RPS6KA2: variants seen among roughly 807,000 people sequenced by gnomAD.
The protein encoded by RPS6KA2 is ribosomal protein S6 kinase alpha-2.
Under a neutral mutation model 91.8 loss-of-function variants are expected in RPS6KA2, and 42 were observed. The ratio of observed to expected loss-of-function variants is 0.46; its 90% CI spans 0.36 to 0.59. RPS6KA2 has a LOEUF of 0.59. RPS6KA2 is among the 20% of genes least tolerant of loss of function. The probability of loss-of-function intolerance (pLI) is 0.00; values close to 1 mark genes in which losing one functional copy is unlikely to be tolerated. For synonymous variants in RPS6KA2, 414 were observed against 393.6 expected, an observed-to-expected ratio of 1.05 and a Z score of -0.61; for missense variants, 798 against 978.5, an observed-to-expected ratio of 0.82 and a Z score of 2.46.
chr6:166,616,149 GC>G (rs946601822), intron 1 of RPS6KA2, among the ~76,000 whole-genome samples: 11 of 152,286 alleles, frequency 7.2e-5, no homozygotes, highest in Admixed American at 3.3e-4. Flanking sequence ...CCACCTGAGA[GC>G]CCCCCAGCAC....
intron 2 of RPS6KA2, among the ~76,000 whole-genome samples, chr6:166,804,322 T>C (rs946642853): frequency 6.6e-6 from 1 of 152,072 alleles, no homozygotes; most frequent in African/African-American, 2.4e-5. Flanking sequence ...ATGTTAGGTA[T>C]CATATATTTA....
At chr6:166,658,100 T>C (rs575088594) in intron 2 of RPS6KA2, among the ~76,000 whole-genome samples, 1 of 152,334 alleles carries the variant, frequency 6.6e-6, no homozygotes, top group South Asian at 2.1e-4. Context: ...CAGGCTGGTC[T>C]TAAACTCCCG....
Position 166,544,399 on chromosome 6 carries a change from G to A in RPS6KA2, c.100-5615C>T, listed in dbSNP as rs9457175. Among the ~76,000 whole-genome samples the A allele has an allele frequency of 6.0e-3, 916 of 152,244 alleles. 8 individuals carry two copies. The highest frequency in any genetic ancestry group is 0.02 in the African/African-American group (831 of 41,550). ...GGAGAGCGAGCTCCATCTGCGGCAC[G>A]ACTCCTGATAGCTCGTGGGTCCTCG... On this transcript the variant is annotated intron_variant, in intron 1 of 20. Transcript: ENST00000265678.
chr6:166,803,024 C>T (rs1169376904), intron 2 of RPS6KA2, among the ~76,000 whole-genome samples: 15 of 151,270 alleles, frequency 9.9e-5, no homozygotes. Flanking sequence ...TTCTTTTAAC[C>T]AATAATCCTT....
intron 2 of RPS6KA2, among the ~76,000 whole-genome samples, chr6:166,780,529 C>T (rs910106711): frequency 6.6e-6 from 1 of 152,172 alleles, no homozygotes; most frequent in Admixed American, 6.5e-5. Flanking sequence ...CGCCCAGTCT[C>T]GGTGCCTTGT....
At chr6:166,675,018 C>T (rs1044168371) in intron 2 of RPS6KA2, among the ~76,000 whole-genome samples, 1 of 152,204 alleles carries the variant, frequency 6.6e-6, no homozygotes, top group African/African-American at 2.4e-5. Context: ...CTGCCACCAA[C>T]ACAGACACAT....
At chr6:166,572,355 A>G (rs1329789713) in intron 1 of RPS6KA2, among the ~76,000 whole-genome samples, 1 of 152,276 alleles carries the variant, frequency 6.6e-6, no homozygotes, top group African/African-American at 2.4e-5. Flanking sequence ...TAATTCTAAG[A>G]AAAGAGTGAA....
Position 166,594,685 on chromosome 6 carries a change from A to G in RPS6KA2, c.99+32236T>C, listed in dbSNP as rs373667440. Among the ~76,000 whole-genome samples the G allele has an allele frequency of 2.7e-3, 409 of 152,298 alleles. 1 individual carries two copies. The highest frequency in any genetic ancestry group is 6.0e-3 in the Admixed American group (92 of 15,302). On this transcript the variant is annotated intron_variant, in intron 1 of 20. Coordinates refer to ENST00000265678, the MANE Select transcript of RPS6KA2 (RefSeq NM_021135.6). Reference sequence around the variant, plus strand: ...CACTGTGTTAGCCAGGATGGTCTCGATCTCCTGACCTCGTGATCCGCCCGC... The same window carrying G: ...CACTGTGTTAGCCAGGATGGTCTCGGTCTCCTGACCTCGTGATCCGCCCGC...
rs569871116 is a variant in RPS6KA2, at chr6:166,744,362, C to T, written c.123+113838G>A. The stretch of plus-strand genomic sequence containing the variant: ...TGCCTCTGGGCCATGCTGGCCTCGC[C>T]GCAGACCTGAGACGCGGCCCCGGGC... On this transcript the variant is annotated intron_variant, in intron 2 of 21. Coordinates refer to the RPS6KA2 transcript ENST00000503859. 2.3e-3 allele frequency among the ~76,000 whole-genome samples: 346 copies of T among 152,196 alleles called. 1 individual carries two copies. Among genetic ancestry groups the T allele is most frequent in the African/African-American group, 7.1e-3 (295 of 41,498 alleles).
intron 6 of RPS6KA2, among the ~76,000 whole-genome samples, chr6:166,502,326 G>A (rs936209117): frequency 2.6e-5 from 4 of 152,222 alleles, no homozygotes; most frequent in Non-Finnish European, 5.9e-5. Flanking sequence ...AATTTATAAT[G>A]AACAAGGCAA....
chr6:166,739,875 C>T (rs1443431973), intron 2 of RPS6KA2, among the ~76,000 whole-genome samples: 2 of 152,244 alleles, frequency 1.3e-5, no homozygotes, highest in Admixed American at 6.5e-5. Context: ...AACCCCTTTC[C>T]GTAACACAGC....
At chr6:166,558,783 CA>C (rs1204020021) in intron 1 of RPS6KA2, among the ~76,000 whole-genome samples, 6 of 152,322 alleles carry the variant, frequency 3.9e-5, no homozygotes, top group Middle Eastern at 3.4e-3. Flanking sequence ...AGAAAGTCTA[CA>C]GTCACGGAGC....
At chr6:166,697,761 G>C (rs1328166716) in intron 2 of RPS6KA2, among the ~76,000 whole-genome samples, 1 of 152,086 alleles carries the variant, frequency 6.6e-6, no homozygotes, top group Non-Finnish European at 1.5e-5. Context: ...GGGTTTGTTT[G>C]GCTTGTACTG....
At chr6:166,704,951 G>A (rs1789634608) in intron 2 of RPS6KA2, among the ~76,000 whole-genome samples, 1 of 152,132 alleles carries the variant, frequency 6.6e-6, no homozygotes, top group South Asian at 2.1e-4. Context: ...TAATATTGTG[G>A]TTTGTGCTCT....
At position 166,635,923 on chromosome 6, in the gene RPS6KA2, C is replaced by G. The variant is rs1322349799; in HGVS notation, c.124-97139G>C. Among the ~76,000 whole-genome samples the G allele has an allele frequency of 6.6e-6, 1 of 152,176 alleles. No homozygotes were observed. Among genetic ancestry groups the G allele is most frequent in the East Asian group, 1.9e-4 (1 of 5,200 alleles). Reference sequence around the variant, plus strand: ...GACAAGCCACCAACCCTACTCTAGACCAGGGTGGTCACCTGCTAGCTTGGC... The same window carrying G: ...GACAAGCCACCAACCCTACTCTAGAGCAGGGTGGTCACCTGCTAGCTTGGC... On this transcript the variant is annotated intron_variant, in intron 2 of 21. Coordinates refer to the RPS6KA2 transcript ENST00000503859. This position sits in a 1 kb window ranked among gnomAD's most constrained non-coding sequence, Gnocchi z 4.8.
At chr6:166,453,197 T>TCA (rs149702729) in intron 12 of RPS6KA2, among the ~76,000 whole-genome samples, 25,081 of 140,900 alleles carry the variant, frequency 0.18, 2,400 homozygotes, top group East Asian at 0.4. Flanking sequence ...TGAGACTCCA[T>TCA]CACACACACA....
chr6:166,643,928 G>A (rs986558291), intron 2 of RPS6KA2, among the ~76,000 whole-genome samples: 1 of 152,166 alleles, frequency 6.6e-6, no homozygotes, highest in Admixed American at 6.5e-5. Flanking sequence ...TGTCTCCTTG[G>A]CAAATCACTA....
At chr6:166,673,370 A>G (rs553994179) in intron 2 of RPS6KA2, among the ~76,000 whole-genome samples, 1 of 152,310 alleles carries the variant, frequency 6.6e-6, no homozygotes, top group South Asian at 2.1e-4. Context: ...TGCAGCTGCC[A>G]TAAGGGGGTG....
intron 17 of RPS6KA2, among the ~76,000 whole-genome samples, chr6:166,422,479 C>T (rs1354881621): frequency 6.6e-6 from 1 of 152,210 alleles, no homozygotes; most frequent in East Asian, 1.9e-4. Flanking sequence ...GGGATCCACA[C>T]AGACTCTGAA....
Sources: allele counts gnomAD v4.1 joint callset (sites outside exome capture counted in the v4.1 genomes callset), GRCh38; gene constraint gnomAD v4.1.1; non-coding constraint Gnocchi (gnomAD v3.1); transcripts MANE v1.5; gene names NCBI Gene and HGNC (gene_info 2026-07-23, HGNC 2026-07-21).